CYYR1: variants seen among roughly 807,000 people sequenced by gnomAD.
The protein encoded by CYYR1 is cysteine and tyrosine-rich protein 1.
A neutral mutation model predicts 15.2 loss-of-function variants in CYYR1; 14 were observed. That is an observed-to-expected ratio of 0.92 (90% CI 0.61 to 1.44). The LOEUF is 1.44. Among genes scored for constraint, CYYR1 ranks in the 40% most tolerant of loss-of-function variants. The pLI is 0.00. For synonymous variants in CYYR1, 80 were observed against 77.4 expected (o/e 1.03, Z -0.18); for missense variants, 228 against 209.5 (o/e 1.09, Z -0.54).
At chr21:26,500,459 G>A (rs1324074849) in intron 2 of CYYR1, among the ~76,000 whole-genome samples, 1 of 152,182 alleles carries the variant, frequency 6.6e-6, no homozygotes, top group Non-Finnish European at 1.5e-5. Flanking sequence ...GGAAGGCCAG[G>A]AAGTGGTGCA....
At chr21:26,571,567 A>G (rs1981010094) in intron 1 of CYYR1, among the ~76,000 whole-genome samples, 1 of 152,238 alleles carries the variant, frequency 6.6e-6, no homozygotes, top group African/African-American at 2.4e-5. Context: ...GTGGTTGAAT[A>G]AGTGTGAGTG....
chr21:26,534,604 T>TA (rs1473854544), intron 2 of CYYR1, among the ~76,000 whole-genome samples: 1 of 152,122 alleles, frequency 6.6e-6, no homozygotes, highest in African/African-American at 2.4e-5. Context: ...CGTTGCCACT[T>TA]AACCACCTTG....
intron 2 of CYYR1, chr21:26,564,891 T>A: frequency 1.1e-6 from 1 of 944,474 alleles, no homozygotes; most frequent in Non-Finnish European, 1.4e-6. Context: ...TTTGTTACTT[T>A]AAATACTGCG....
chr21:26,559,896 T>G (rs988749531), intron 2 of CYYR1, among the ~76,000 whole-genome samples: 29 of 152,298 alleles, frequency 1.9e-4, no homozygotes, highest in Admixed American at 3.9e-4. Context: ...GACCTTATTC[T>G]TTTTCATAAC....
At chr21:26,510,234 T>C (rs940707274) in intron 2 of CYYR1, among the ~76,000 whole-genome samples, 1 of 152,206 alleles carries the variant, frequency 6.6e-6, no homozygotes, top group Non-Finnish European at 1.5e-5. Flanking sequence ...GTATGGAGCA[T>C]AGGAAACCTG....
chr21:26,468,741 T>C (rs1003541672), intron 3 of CYYR1, 107 bp from the exon 4 acceptor site: 1 of 825,502 alleles, frequency 1.2e-6, no homozygotes, highest in African/African-American at 1.7e-5. Context: ...AAATTGTGGC[T>C]GCAAAAATCT....
At chr21:26,512,262 G>T (rs962929155) in intron 2 of CYYR1, among the ~76,000 whole-genome samples, 1 of 151,766 alleles carries the variant, frequency 6.6e-6, no homozygotes, top group African/African-American at 2.4e-5. Flanking sequence ...GCAATGGTGC[G>T]ATCTTGGCTC....
intron 2 of CYYR1, among the ~76,000 whole-genome samples, chr21:26,562,948 A>C (rs1478750724): frequency 6.6e-6 from 1 of 152,168 alleles, no homozygotes; most frequent in Non-Finnish European, 1.5e-5. Context: ...GTCAGAGTCC[A>C]TCATTTTTTC....
intron 2 of CYYR1, among the ~76,000 whole-genome samples, chr21:26,563,301 G>A (rs1980372356): frequency 6.6e-6 from 1 of 152,062 alleles, no homozygotes; most frequent in East Asian, 1.9e-4. Flanking sequence ...AGAGGGCAGG[G>A]CACAGTGGCT....
intron 2 of CYYR1, among the ~76,000 whole-genome samples, chr21:26,527,004 A>C (rs1217645832): frequency 1.3e-5 from 2 of 152,230 alleles, no homozygotes; most frequent in Non-Finnish European, 2.9e-5. Context: ...CTTATAATGA[A>C]TTAGAAAATA....
At chr21:26,471,011 GTGCTC>G (rs2065026397) in intron 3 of CYYR1, 2 of 152,152 alleles carry the variant, frequency 1.3e-5, no homozygotes, top group Non-Finnish European at 2.9e-5. Context: ...AGTTTCCCCA[GTGCTC>G]CCTCAGACCC....
At chr21:26,546,273 T>C (rs1478537779) in intron 2 of CYYR1, among the ~76,000 whole-genome samples, 1 of 152,208 alleles carries the variant, frequency 6.6e-6, no homozygotes, top group African/African-American at 2.4e-5. Context: ...AGTAGTAATA[T>C]TGTATTTGGA....
At chr21:26,491,903 T>A (rs2065334319) in intron 2 of CYYR1, among the ~76,000 whole-genome samples, 1 of 152,102 alleles carries the variant, frequency 6.6e-6, no homozygotes, top group South Asian at 2.1e-4. Context: ...GCTGGGGAGA[T>A]CTCCTGTTCT....
At chr21:26,492,046 T>A (rs1224584624) in intron 2 of CYYR1, among the ~76,000 whole-genome samples, 1 of 152,206 alleles carries the variant, frequency 6.6e-6, no homozygotes, top group Non-Finnish European at 1.5e-5. Flanking sequence ...ACCTTACCTG[T>A]GTCAGCCTGA....
intron 3 of CYYR1, among the ~76,000 whole-genome samples, chr21:26,477,405 C>T (rs2065119114): frequency 6.6e-6 from 1 of 152,192 alleles, no homozygotes; most frequent in African/African-American, 2.4e-5. Context: ...GCATGAGGTT[C>T]ATTATGTTTC....
At chr21:26,564,613 TA>T (rs2123727382) in intron 2 of CYYR1, 2 of 880,782 alleles carry the variant, frequency 2.3e-6, no homozygotes, top group South Asian at 1.0e-4. Context: ...TTCAAATATA[TA>T]AAAATATTCT....
chr21:26,567,789 A>C (rs1980742147), intron 1 of CYYR1, among the ~76,000 whole-genome samples: 1 of 152,212 alleles, frequency 6.6e-6, no homozygotes, highest in African/African-American at 2.4e-5. Flanking sequence ...TCCAGAAAGG[A>C]AATTTTACAT....
At chr21:26,476,451 GCTAA>G (rs1032087516) in intron 3 of CYYR1, among the ~76,000 whole-genome samples, 1 of 152,040 alleles carries the variant, frequency 6.6e-6, no homozygotes, top group Non-Finnish European at 1.5e-5. Context: ...ATGATTTTTG[GCTAA>G]CTCTTTCTGT....
chr21:26,548,085 T>C (rs1979110104), intron 2 of CYYR1, among the ~76,000 whole-genome samples: 1 of 152,212 alleles, frequency 6.6e-6, no homozygotes, highest in Non-Finnish European at 1.5e-5. Context: ...GTAAATTTGT[T>C]TGGGGTCTTA....
Sources: allele counts gnomAD v4.1 joint callset (sites outside exome capture counted in the v4.1 genomes callset), GRCh38; gene constraint gnomAD v4.1.1; transcripts MANE v1.5; gene names NCBI Gene and HGNC (gene_info 2026-07-23, HGNC 2026-07-21).